Variants in HTR3A observed in about 807,000 individuals in gnomAD.
HTR3A encodes 5-hydroxytryptamine receptor 3A, also known as 5-hydroxytryptamine (serotonin) receptor 3A, ionotropic.
HTR3A carries 45 observed loss-of-function variants against 54.8 expected under a neutral mutation model. That is an observed-to-expected ratio of 0.82 (90% CI 0.65 to 1.05). The LOEUF (loss-of-function observed/expected upper bound fraction) is 1.05, where lower values mean the gene tolerates loss of function less well. Among genes scored for constraint, HTR3A ranks in the 50% least tolerant of loss-of-function variants. The pLI is 0.00. For synonymous variants in HTR3A, 297 were observed against 256.0 expected (o/e 1.16, Z -1.53); for missense variants, 657 against 614.0 (o/e 1.07, Z -0.74).
rs769864980 is a variant in HTR3A at position 113,986,934 on chromosome 11, G to A, written c.1026G>A (p.Trp342Ter). The change falls in exon 8 of 9, where the codon TGG (tryptophan) becomes TGA (stop). Residue 342 changes from tryptophan to a stop codon, truncating the protein, a stop_gained. Transcript: ENST00000504030. LOFTEE classifies it high-confidence loss of function. Reference protein sequence around the residue: ...KQDLQQPVPAWLRHLVLERIA... With the variant: ...KQDLQQPVPA ...ACCTGCAGCAGCCCGTGCCTGCTTGGCTGCGTCACCTGGTTCTGGAGAGAA... is the reference window on the plus strand; with the variant it reads ...ACCTGCAGCAGCCCGTGCCTGCTTGACTGCGTCACCTGGTTCTGGAGAGAA... 6.2e-7 allele frequency: 1 copy of A among 1,614,188 alleles called. No individual in the cohort carries two copies. The highest frequency in any genetic ancestry group is 2.2e-5 in the East Asian group (1 of 44,876).
In HTR3A at chr11:113,986,029, A is replaced by C. The variant is rs547316723; in HGVS notation, c.559A>C (p.Ile187Leu). Reference sequence around the variant, plus strand: ...TTCTCTCTCAGTCCAGGACATCAACATCTCTTTGTGGCGCTTGCCAGAAAA... The same window carrying C: ...TTCTCTCTCAGTCCAGGACATCAACCTCTCTTTGTGGCGCTTGCCAGAAAA... Reference protein sequence around the residue: ...SWLHTIQDINISLWRLPEKVK... With the variant: ...SWLHTIQDINLSLWRLPEKVK... Residue 187 changes from isoleucine to leucine, a missense_variant, in exon 6 of 9, where the codon ATC becomes CTC. Transcript: ENST00000504030. 2.5e-6 allele frequency: 4 copies of C among 1,614,140 alleles called. No individual in the cohort carries two copies. The African/African-American group carries it at 4.0e-5, about 16-fold the overall frequency.
chr11:113,983,946 T>A (rs1367186607), intron 5 of HTR3A, among the ~76,000 whole-genome samples: 1 of 152,202 alleles, frequency 6.6e-6, no homozygotes, highest in Admixed American at 6.5e-5. Context: ...CAATCCACCC[T>A]CTTGAGCTGA....
At chr11:113,985,310 T>G (rs1298368460) in intron 5 of HTR3A, among the ~76,000 whole-genome samples, 1 of 152,234 alleles carries the variant, frequency 6.6e-6, no homozygotes, top group African/African-American at 2.4e-5. Context: ...TTGGAGTTCA[T>G]GCACATTTAG....
intron 2 of HTR3A, 57 bp downstream of exon 2, chr11:113,977,979 A>C (rs1565578443): frequency 1.2e-6 from 2 of 1,603,376 alleles, no homozygotes; most frequent in African/African-American, 2.7e-5. Flanking sequence ...GGAGAAGGCC[A>C]TGTGAGACAA....
At position 113,990,112 on chromosome 11, in the gene HTR3A, A is replaced by G. The variant is rs144806035; in HGVS notation, c.*349A>G. 1.3e-4 allele frequency: 62 copies of G among 492,012 alleles called. No homozygotes were observed. Among genetic ancestry groups the G allele is most frequent in the African/African-American group, 1.0e-3 (54 of 51,698 alleles). The allele number at this position is 492,012 out of a possible 1,614,324, so 30.5% of individuals were successfully genotyped here. ...CCCTCACCTGAATAAGGGACTTTGG[A>G]ATTCTGCTTCTCTTTCACAACTTTG... On this transcript the variant is annotated 3_prime_UTR_variant, in exon 9 of 9. Coordinates refer to ENST00000504030, the MANE Select transcript of HTR3A (RefSeq NM_000869.6).
intron 5 of HTR3A, among the ~76,000 whole-genome samples, chr11:113,984,939 A>AG (rs1950471788): frequency 6.6e-6 from 1 of 150,694 alleles, no homozygotes; most frequent in Middle Eastern, 3.4e-3. Flanking sequence ...GAAAAAAAAA[A>AG]GGCATCCCCC....
Position 113,975,356 on chromosome 11 carries a change from G to C in HTR3A, c.31G>C (p.Ala11Pro). 3.7e-6 allele frequency: 6 copies of C among 1,613,244 alleles called. No homozygotes were observed. Among genetic ancestry groups the C allele is most frequent in the Non-Finnish European group, 5.1e-6 (6 of 1,180,022 alleles). MLLWVQQALL[A>P]LLLPTLLAQG... ...GCTGTGGGTCCAGCAGGCGCTGCTC[G>C]CCTTGCTCCTCCCCACACTCCTGGC... is the stretch of plus-strand genomic sequence containing the variant. Residue 11 changes from alanine to proline, a missense_variant, in exon 1 of 9, where the codon GCC becomes CCC. By Grantham distance (27) the Ala-to-Pro change is conservative (BLOSUM62 -1). Transcript: ENST00000504030.
intron 5 of HTR3A, among the ~76,000 whole-genome samples, chr11:113,984,654 C>T (rs184244468): frequency 1.3e-5 from 2 of 152,244 alleles, no homozygotes; most frequent in East Asian, 3.9e-4. Context: ...CGCGGTGGCT[C>T]ACGCCTGTAA....
intron 8 of HTR3A, among the ~76,000 whole-genome samples, chr11:113,987,408 A>G (rs183414663): frequency 1.4e-3 from 220 of 152,226 alleles, no homozygotes; most frequent in African/African-American, 5.1e-3. Flanking sequence ...ACGGTTAAAT[A>G]CTGCCACTGG....
rs774291688 is a variant in HTR3A, at chr11:113,979,290, G to A, written c.264+13G>A. 4.9e-6 allele frequency: 7 copies of A among 1,440,996 alleles called. No individual in the cohort carries two copies. The highest frequency in any genetic ancestry group is 2.5e-5 in the East Asian group (1 of 39,344). 89.3% of individuals were successfully genotyped at this position (1,440,996 alleles called of 1,614,324 possible). A position where few individuals can be genotyped will look rare whatever the true frequency, so the allele number is the denominator to read the frequency against. On this transcript the variant is annotated intron_variant, in intron 3 of 8. Coordinates refer to ENST00000504030, the MANE Select transcript of HTR3A (RefSeq NM_000869.6). ...CTGGTACCGGCAGGTGAGCAGACCC[G>A]CCCCTCCCTGCCCCCGTTACCCATC...
At chr11:113,979,157 C>T (rs1252961317) in intron 2 of HTR3A, 76 bp from the exon 3 acceptor site, 4 of 1,120,320 alleles carry the variant, frequency 3.6e-6, no homozygotes, top group Non-Finnish European at 5.5e-6. Flanking sequence ...GGAAGCCCCT[C>T]CTTTAGGGGC....
At position 113,981,200 on chromosome 11, in the gene HTR3A, T is replaced by C. The variant is rs767668561; in HGVS notation, c.265-3T>C. On this transcript the variant is annotated splice_polypyrimidine_tract_variant and splice_region_variant and intron_variant, in intron 3 of 8. Transcript: ENST00000504030. ...CCTGTGACCATCCCTGCTCCTCCCCTAGTACTGGACTGATGAGTTTCTCCA... is the reference window on the plus strand; with the variant it reads ...CCTGTGACCATCCCTGCTCCTCCCCCAGTACTGGACTGATGAGTTTCTCCA... 6.3e-7 allele frequency: 1 copy of C among 1,591,082 alleles called. No homozygotes were observed. The highest frequency in any genetic ancestry group is 1.1e-5 in the South Asian group (1 of 90,618).
At chr11:113,982,220 A>G (rs960129727) in intron 4 of HTR3A, among the ~76,000 whole-genome samples, 3 of 152,188 alleles carry the variant, frequency 2.0e-5, no homozygotes, top group Admixed American at 2.0e-4. Context: ...GGGTTTCAGA[A>G]TTCAAGGGCA....
At chr11:113,983,388 G>A in intron 5 of HTR3A, 99 bp downstream of exon 5, 3 of 1,210,742 alleles carry the variant, frequency 2.5e-6, no homozygotes, top group Non-Finnish European at 2.4e-6. Context: ...CACGTATCCA[G>A]CCTACTAATG....
chr11:113,989,373 C>A lies in HTR3A; in HGVS notation c.1139-92C>A, dbSNP rs566633632. The A allele has an allele frequency of 2.0e-6, 3 of 1,470,704 alleles. No individual in the cohort carries two copies. Among genetic ancestry groups the A allele is most frequent in the East Asian group, 2.3e-5 (1 of 44,146 alleles). The allele number at this position is 1,470,704 out of a possible 1,614,324, so 91.1% of individuals were successfully genotyped here. On this transcript the variant is annotated intron_variant, in intron 8 of 8. Coordinates refer to ENST00000504030, the MANE Select transcript of HTR3A (RefSeq NM_000869.6). The surrounding 1 kb of genome is among the most constrained non-coding windows in gnomAD (Gnocchi z 4.4). ...GTGAGAAAAAAAAAGTTATTCCCAA[C>A]AAAAATTTACAGGCTATAGAAGCAT...
rs1460396634 is a variant in HTR3A at position 113,990,300 on chromosome 11, A to T, written c.*537A>T. ...GATGGGAGTGGGAAGAATAAAATGC[A>T]GTGAAACCCTAAACTCTCTTCTTTT... On this transcript the variant is annotated 3_prime_UTR_variant, in exon 9 of 9. Coordinates refer to ENST00000504030, the MANE Select transcript of HTR3A (RefSeq NM_000869.6). 2.4e-6 allele frequency: 1 copy of T among 408,392 alleles called. No homozygotes were observed. Among genetic ancestry groups the T allele is most frequent in the Non-Finnish European group, 4.9e-6 (1 of 204,576 alleles). The allele number at this position is 408,392 out of a possible 1,614,324, so 25.3% of individuals were successfully genotyped here.
intron 8 of HTR3A, among the ~76,000 whole-genome samples, chr11:113,988,536 G>GA (rs1565583629): frequency 6.6e-6 from 1 of 151,982 alleles, no homozygotes; most frequent in Non-Finnish European, 1.5e-5. Context: ...GCCAAGGGGG[G>GA]TGGTGGATCA....
chr11:113,976,356 A>T (rs1950350616), intron 1 of HTR3A, among the ~76,000 whole-genome samples: 2 of 151,994 alleles, frequency 1.3e-5, no homozygotes, highest in African/African-American at 4.8e-5. Context: ...GCTGGTCAGG[A>T]TCCCAGTCAA....
At chr11:113,978,639 G>A (rs1242120550) in intron 2 of HTR3A, among the ~76,000 whole-genome samples, 1 of 152,106 alleles carries the variant, frequency 6.6e-6, no homozygotes, top group Admixed American at 6.5e-5. Flanking sequence ...CCAAATTGCT[G>A]GGGTTACAGA....
Sources: allele counts gnomAD v4.1 joint callset (sites outside exome capture counted in the v4.1 genomes callset), GRCh38; gene constraint gnomAD v4.1.1; non-coding constraint Gnocchi (gnomAD v3.1); transcripts MANE v1.5; gene names NCBI Gene and HGNC (gene_info 2026-07-23, HGNC 2026-07-21).